FOXP4: variants seen among roughly 807,000 people sequenced by gnomAD.
FOXP4 encodes the protein forkhead box P4.
A neutral mutation model predicts 82.6 loss-of-function variants in FOXP4; 25 were observed. The ratio of observed to expected loss-of-function variants is 0.30; its 90% CI spans 0.22 to 0.42. FOXP4 has a LOEUF of 0.42. Among genes scored for constraint, FOXP4 ranks in the 10% least tolerant of loss-of-function variants. FOXP4 has a pLI of 1.00. For missense variants in FOXP4, 785 were observed against 900.9 expected (o/e 0.87, Z 1.65); for synonymous variants, 415 against 388.2 (o/e 1.07, Z -0.81).
At chr6:41,561,313 G>A (rs1488355751) in intron 1 of FOXP4, among the ~76,000 whole-genome samples, 1 of 135,364 alleles carries the variant, frequency 7.4e-6, no homozygotes, top group Non-Finnish European at 1.6e-5. Context: ...CTCGGCCTCC[G>A]GTGCTATCTC....
At chr6:41,597,423 CT>C (rs940602688) in intron 15 of FOXP4, among the ~76,000 whole-genome samples, 181 bp downstream of exon 15, 2 of 152,206 alleles carry the variant, frequency 1.3e-5, no homozygotes, top group African/African-American at 4.8e-5. Flanking sequence ...TCCACCTCTG[CT>C]TTCAAGGCTG....
At position 41,597,922 on chromosome 6, in the gene FOXP4, C is replaced by G; in HGVS notation, c.1867C>G (p.Pro623Ala). ...GCTGCCCAGCAACGGCAGCAGCAGC[C>G]CTCCTCGCCTCTCCCCGCCCCAGTA... ...EPLPSNGSSS[P>A]PRLSPPQYSH... Residue 623 changes from proline (P) to alanine (A), a missense_variant, in exon 16 of 17, where the codon CCT becomes GCT. By Grantham distance (27) the Pro-to-Ala change is conservative (BLOSUM62 -1). Coordinates refer to ENST00000307972, the MANE Select transcript of FOXP4 (RefSeq NM_001012426.2). The G allele has an allele frequency of 6.4e-7, 1 of 1,566,528 alleles. No homozygotes were observed. Among genetic ancestry groups the G allele is most frequent in the Non-Finnish European group, 8.6e-7 (1 of 1,162,694 alleles).
At position 41,585,460 on chromosome 6, in the gene FOXP4, G is replaced by A. The variant is rs751794942; in HGVS notation, c.453G>A (p.Glu151=). The part of the protein sequence containing the change: ...QLQEYYKKQQ[E]QLHLQLLTQQ... ...AGGAGTACTACAAGAAGCAGCAGGA[G>A]CAGCTCCACCTGCAGCTCCTCACCC... Residue 151 remains glutamate, a synonymous_variant, in exon 5 of 17, where the codon GAG becomes GAA. Transcript: ENST00000307972. 3.1e-6 allele frequency: 5 copies of A among 1,613,916 alleles called. No homozygotes were observed. In the South Asian group the frequency reaches 5.5e-5, roughly 18 times the overall value.
At chr6:41,568,613 G>C (rs1050557880) in intron 2 of FOXP4, among the ~76,000 whole-genome samples, 1 of 152,242 alleles carries the variant, frequency 6.6e-6, no homozygotes, top group Non-Finnish European at 1.5e-5. Context: ...AGCCACTCTA[G>C]TGCCATCTGC....
chr6:41,589,697 C>A, intron 9 of FOXP4, 74 bp from the exon 10 acceptor site: 1 of 1,458,432 alleles, frequency 6.9e-7, no homozygotes, highest in Non-Finnish European at 9.5e-7. Flanking sequence ...AAGAGCCTGG[C>A]GGTGGAGGGG....
intron 1 of FOXP4, among the ~76,000 whole-genome samples, chr6:41,547,708 G>T (rs994547949): frequency 6.6e-6 from 1 of 152,152 alleles, no homozygotes; most frequent in Non-Finnish European, 1.5e-5. Context: ...CACCACTTAA[G>T]GGGGGAAGAG....
chr6:41,575,607 G>C (rs552082086), intron 2 of FOXP4, among the ~76,000 whole-genome samples: 35 of 152,250 alleles, frequency 2.3e-4, no homozygotes, highest in Non-Finnish European at 4.4e-4. Context: ...AGACTGCAAG[G>C]CCTTGCCATT....
chr6:41,578,255 T>C (rs1489044555), intron 3 of FOXP4, among the ~76,000 whole-genome samples, 174 bp downstream of exon 3: 1 of 152,192 alleles, frequency 6.6e-6, no homozygotes, highest in South Asian at 2.1e-4. Context: ...GCTTCCCACT[T>C]TCTCTCGTCT....
At position 41,598,789 on chromosome 6, in the gene FOXP4, C is replaced by T. The variant is rs1009707162; in HGVS notation, c.1896C>T (p.Ser632=). Residue 632 remains serine (S), a splice_region_variant and synonymous_variant, in exon 17 of 17, where the codon AGC becomes AGT. Transcript: ENST00000307972. ...TGCCCATGCCATACTTTTGCCTCAGCCACCAGGTGCAGGTGAAGGAGGAGC... is the reference window on the plus strand; with the variant it reads ...TGCCCATGCCATACTTTTGCCTCAGTCACCAGGTGCAGGTGAAGGAGGAGC... ...SPPRLSPPQY[S]HQVQVKEEPA... 2.6e-6 allele frequency: 4 copies of T among 1,557,226 alleles called. No individual in the cohort carries two copies. Among genetic ancestry groups the T allele is most frequent in the Non-Finnish European group, 3.5e-6 (4 of 1,150,722 alleles).
chr6:41,581,532 G>A (rs1031573797), intron 3 of FOXP4, among the ~76,000 whole-genome samples: 6 of 152,336 alleles, frequency 3.9e-5, no homozygotes, highest in Middle Eastern at 3.4e-3. Flanking sequence ...GCCCTGCTGA[G>A]CCTGCTAGCT....
At chr6:41,574,412 G>A (rs1050109244) in intron 2 of FOXP4, among the ~76,000 whole-genome samples, 6 of 152,206 alleles carry the variant, frequency 3.9e-5, no homozygotes, top group African/African-American at 1.4e-4. Flanking sequence ...TCAATGTTGT[G>A]AAGCTTCAAT....
intron 1 of FOXP4, among the ~76,000 whole-genome samples, chr6:41,551,890 A>C (rs1174247175): frequency 6.6e-6 from 1 of 152,128 alleles, no homozygotes; most frequent in Admixed American, 6.5e-5. Flanking sequence ...GGGCAGCAGG[A>C]GGGACCCGGA....
rs9357363 is a variant in FOXP4 at position 41,573,585 on chromosome 6, T to G, written c.205-4401T>G. ...GGTTTGGTTAGCAAGGCCTTCTGGG[T>G]GGCACCAGGCAAGTGACCAGGAGCT... On this transcript the variant is annotated intron_variant, in intron 2 of 16. Transcript: ENST00000307972. 2.0e-4 allele frequency among the ~76,000 whole-genome samples: 30 copies of G among 152,138 alleles called. 1 individual carries two copies. In the East Asian group the frequency reaches 5.6e-3, roughly 28 times the overall value.
chr6:41,562,927 A>G (rs940760136), intron 1 of FOXP4, among the ~76,000 whole-genome samples: 3 of 152,154 alleles, frequency 2.0e-5, no homozygotes, highest in Non-Finnish European at 4.4e-5. Flanking sequence ...TGGCAAGTGG[A>G]GGATGGTGCC....
In FOXP4 at chr6:41,594,908, C is replaced by T. The variant is rs1766732963; in HGVS notation, c.1575C>T (p.Phe525=). Residue 525 remains phenylalanine (F), a synonymous_variant, in exon 14 of 17, where the codon TTC becomes TTT. Transcript: ENST00000307972. ...VRHNLSLHKC[F]VRVENVKGAV... is the part of the protein sequence containing the mutation. Reference sequence around the variant, plus strand: ...ACAACCTCAGCCTGCACAAGTGCTTCGTCCGCGTGGAGAACGTCAAGGGTG... The same window carrying T: ...ACAACCTCAGCCTGCACAAGTGCTTTGTCCGCGTGGAGAACGTCAAGGGTG... The T allele has an allele frequency of 2.5e-6, 4 of 1,614,068 alleles. No individual in the cohort carries two copies. The highest frequency in any genetic ancestry group is 3.4e-6 in the Non-Finnish European group (4 of 1,180,056).
chr6:41,560,925 G>A (rs1328757422), intron 1 of FOXP4, among the ~76,000 whole-genome samples: 1 of 152,212 alleles, frequency 6.6e-6, no homozygotes, highest in African/African-American at 2.4e-5. Flanking sequence ...TTCCACAAAA[G>A]CACCCCAGCC....
chr6:41,581,249 C>T (rs1765784164), intron 3 of FOXP4, among the ~76,000 whole-genome samples: 1 of 152,236 alleles, frequency 6.6e-6, no homozygotes, highest in African/African-American at 2.4e-5. Context: ...CTCACAGGGA[C>T]CCCATACTCA....
chr6:41,579,975 G>A (rs1765705126), intron 3 of FOXP4, among the ~76,000 whole-genome samples: 1 of 151,710 alleles, frequency 6.6e-6, no homozygotes, highest in African/African-American at 2.4e-5. Flanking sequence ...GGTTAAGAAA[G>A]TTGTCCAAAG....
At chr6:41,581,171 T>C (rs1765779113) in intron 3 of FOXP4, among the ~76,000 whole-genome samples, 1 of 152,218 alleles carries the variant, frequency 6.6e-6, no homozygotes, top group African/African-American at 2.4e-5. Flanking sequence ...GTTTGAGGAC[T>C]TCTGGTCATT....
Sources: allele counts gnomAD v4.1 joint callset (sites outside exome capture counted in the v4.1 genomes callset), GRCh38; gene constraint gnomAD v4.1.1; transcripts MANE v1.5; gene names NCBI Gene and HGNC (gene_info 2026-07-23, HGNC 2026-07-21).